Variants in PRH1 observed in about 807,000 individuals in gnomAD.
PRH1 encodes the protein salivary acidic proline-rich phosphoprotein 1/2.
In PRH1, 7 loss-of-function variants were observed where a neutral mutation model predicts 7.9. The ratio of observed to expected loss-of-function variants is 0.89; its 90% CI spans 0.50 to 1.67. The LOEUF (loss-of-function observed/expected upper bound fraction) is 1.67. Among genes scored for constraint, PRH1 ranks in the 40% most tolerant of loss-of-function variants. The pLI is 0.00. For missense variants in PRH1, 109 were observed against 223.6 expected, an observed-to-expected ratio of 0.49 and a Z score of 3.27; for synonymous variants, 45 against 80.8, an observed-to-expected ratio of 0.56 and a Z score of 2.38.
intron 2 of PRH1, among the ~76,000 whole-genome samples, chr12:10,896,062 A>G (rs906438125): frequency 6.6e-6 from 1 of 152,224 alleles, no homozygotes; most frequent in Non-Finnish European, 1.5e-5. Context: ...TGTAAAATAT[A>G]CAAGTTTTTT....
chr12:11,031,304 C>T (rs755524477), intron 1 of PRH1: 1 of 1,607,852 alleles, frequency 6.2e-7, no homozygotes, highest in Non-Finnish European at 8.5e-7. Flanking sequence ...CACTACCACA[C>T]TGGAAAAAAT....
At chr12:10,964,441 GTCTTTTAC>G (rs1938403085) in intron 2 of PRH1, 1 of 237,882 alleles carries the variant, frequency 4.2e-6, no homozygotes, top group African/African-American at 2.3e-5. Flanking sequence ...AGAGTTTCAG[GTCTTTTAC>G]TCAGCACTTA....
intron 1 of PRH1, among the ~76,000 whole-genome samples, chr12:11,007,174 C>G (rs533044876): frequency 7.2e-5 from 11 of 152,080 alleles, no homozygotes; most frequent in Admixed American, 6.6e-4. Flanking sequence ...ATACAGAACC[C>G]AAACCTTTTA....
intron 1 of PRH1, among the ~76,000 whole-genome samples, chr12:11,150,455 T>G (rs1420702165): frequency 7.2e-5 from 11 of 152,012 alleles, no homozygotes; most frequent in Non-Finnish European, 1.3e-4. Flanking sequence ...ATTAAGAAAA[T>G]GTGGCACATA....
At chr12:10,894,545 C>T (rs547903882) in intron 2 of PRH1, among the ~76,000 whole-genome samples, 6 of 152,154 alleles carry the variant, frequency 3.9e-5, no homozygotes, top group Non-Finnish European at 8.8e-5. Context: ...AACTAAATCC[C>T]TATGTGTTTG....
At position 11,121,942 on chromosome 12, in the gene PRH1, T is replaced by C. The variant is rs796367568; in HGVS notation, n.40-762A>G. Among the ~76,000 whole-genome samples the C allele has an allele frequency of 6.0e-5, 8 of 132,240 alleles. No individual in the cohort carries two copies. The South Asian group carries it at 1.9e-3, about 32-fold the overall frequency. The allele number at this position is 132,240 out of a possible 152,430, so 86.8% of individuals were successfully genotyped here. A position where few individuals can be genotyped will look rare whatever the true frequency, so the allele number is the denominator to read the frequency against. On this transcript the variant is annotated intron_variant and non_coding_transcript_variant, in intron 1 of 1. Transcript: ENST00000541175. The stretch of plus-strand genomic sequence containing the variant: ...CAATAATTTGCTGATAAAAGCTATA[T>C]GTTCTTAATTATAAATAGAGATAAT...
chr12:11,156,844 ATTTTTT>A (rs141685387), intron 1 of PRH1, among the ~76,000 whole-genome samples: 5 of 139,142 alleles, frequency 3.6e-5, no homozygotes, highest in Admixed American at 7.2e-5. Flanking sequence ...GAAAACACCA[ATTTTTT>A]TTTTTTTTTT....
chr12:11,126,080 AAATT>A (rs1946117853), intron 1 of PRH1, among the ~76,000 whole-genome samples: 1 of 152,190 alleles, frequency 6.6e-6, no homozygotes, highest in Non-Finnish European at 1.5e-5. Context: ...ACATATATAT[AAATT>A]AATAAAGCCT....
chr12:10,898,499 T>C (rs948985734), intron 2 of PRH1, among the ~76,000 whole-genome samples: 1 of 152,234 alleles, frequency 6.6e-6, no homozygotes, highest in African/African-American at 2.4e-5. Flanking sequence ...TTATTGAATA[T>C]CTTCTTTGTT....
intron 1 of PRH1, among the ~76,000 whole-genome samples, chr12:11,029,750 G>A (rs535071051): frequency 3.3e-5 from 5 of 151,734 alleles, no homozygotes; most frequent in African/African-American, 1.2e-4. Context: ...CCTCAGTACC[G>A]CTTATGGTAG....
At chr12:10,933,161 T>C (rs1185762657) in intron 2 of PRH1, among the ~76,000 whole-genome samples, 1 of 152,104 alleles carries the variant, frequency 6.6e-6, no homozygotes, top group Admixed American at 6.5e-5. Context: ...TTTTAAAAGA[T>C]GAGTTTTTCC....
chr12:11,158,102 T>C (rs1263501714), intron 1 of PRH1, among the ~76,000 whole-genome samples: 1 of 152,220 alleles, frequency 6.6e-6, no homozygotes, highest in Non-Finnish European at 1.5e-5. Context: ...TTTTTAAAAT[T>C]ATGGTAAAAG....
intron 2 of PRH1, among the ~76,000 whole-genome samples, chr12:10,972,147 C>T (rs533170315): frequency 1.3e-5 from 2 of 152,152 alleles, no homozygotes; most frequent in South Asian, 2.1e-4. Flanking sequence ...AATGTTTATA[C>T]ATTTAATATA....
chr12:11,134,183 T>C, intron 1 of PRH1: 1 of 1,613,892 alleles, frequency 6.2e-7, no homozygotes, highest in Non-Finnish European at 8.5e-7. Context: ...ATTAGCAAAA[T>C]TTCCAATAAC....
Position 11,096,263 on chromosome 12 carries a change from C to T in PRH1, n.124-49075G>A, listed in dbSNP as rs1482060119. 2.6e-5 allele frequency among the ~76,000 whole-genome samples: 3 copies of T among 115,284 alleles called. 1 individual carries two copies. The highest frequency in any genetic ancestry group is 6.1e-5 in the Non-Finnish European group (3 of 48,954). The allele number at this position is 115,284 out of a possible 152,430, so 75.6% of individuals were successfully genotyped here. ...CCTTATATTTTCTACCTCTTGATCTCTTTATGCTTCATTCTGGGTAGTTAT... is the reference window on the plus strand; with the variant it reads ...CCTTATATTTTCTACCTCTTGATCTTTTTATGCTTCATTCTGGGTAGTTAT... On this transcript the variant is annotated intron_variant and non_coding_transcript_variant, in intron 1 of 4. Transcript: ENST00000541977.
At chr12:11,021,336 A>T (rs1484747464) in intron 1 of PRH1, among the ~76,000 whole-genome samples, 3 of 152,138 alleles carry the variant, frequency 2.0e-5, no homozygotes, top group Admixed American at 2.0e-4. Flanking sequence ...TTCTTCATAA[A>T]AGCTGTACGT....
At chr12:10,923,001 T>A (rs1950072280) in intron 2 of PRH1, among the ~76,000 whole-genome samples, 1 of 150,444 alleles carries the variant, frequency 6.6e-6, no homozygotes, top group African/African-American at 2.4e-5. Flanking sequence ...GCTAATTTTT[T>A]GTATTTTTAG....
intron 1 of PRH1, among the ~76,000 whole-genome samples, chr12:11,070,222 G>A (rs1944003036): frequency 1.3e-5 from 2 of 152,310 alleles, no homozygotes; most frequent in Admixed American, 1.3e-4. Flanking sequence ...CAGGAATAGG[G>A]TGAGTAGGCT....
intron 1 of PRH1, among the ~76,000 whole-genome samples, chr12:11,142,991 T>A (rs1946749148): frequency 6.6e-6 from 1 of 152,090 alleles, no homozygotes; most frequent in Non-Finnish European, 1.5e-5. Context: ...ATGAGCAATA[T>A]GTAATCACCT....
Sources: allele counts gnomAD v4.1 joint callset (sites outside exome capture counted in the v4.1 genomes callset), GRCh38; gene constraint gnomAD v4.1.1; transcripts MANE v1.5; gene names NCBI Gene and HGNC (gene_info 2026-07-23, HGNC 2026-07-21).